The following STON2 variants were observed in gnomAD, a reference collection of about 807,000 sequenced individuals.
STON2 encodes the protein stonin 2.
Under a neutral mutation model 65.7 loss-of-function variants are expected in STON2, and 29 were observed. The observed-to-expected ratio is 0.44, with a 90% CI of 0.33 to 0.60. The LOEUF is 0.60. Among genes scored for constraint, STON2 ranks in the 20% least tolerant of loss-of-function variants. The pLI, the probability that STON2 is intolerant of heterozygous loss-of-function variation, is 0.03. For missense variants in STON2, 1,054 were observed against 1,118.1 expected (o/e 0.94, Z 0.82); for synonymous variants, 404 against 414.2 (o/e 0.98, Z 0.30).
At chr14:81,375,963 A>G (rs1899233872) in intron 3 of STON2, among the ~76,000 whole-genome samples, 1 of 151,582 alleles carries the variant, frequency 6.6e-6, no homozygotes, top group Non-Finnish European at 1.5e-5. Context: ...CATACTTCTA[A>G]ATAATTCACT....
chr14:81,388,939 G>T (rs531091565), intron 3 of STON2, among the ~76,000 whole-genome samples: 1 of 152,120 alleles, frequency 6.6e-6, no homozygotes, highest in South Asian at 2.1e-4. Flanking sequence ...TTAAAACTAG[G>T]AAGAACACTG....
At chr14:81,411,867 G>GCAGAGTTAAGATAAGCA (rs754637724) in intron 2 of STON2, among the ~76,000 whole-genome samples, 4 of 141,914 alleles carry the variant, frequency 2.8e-5, no homozygotes, top group East Asian at 2.5e-4. Flanking sequence ...GTTAAGACAA[G>GCAGAGTTAAGATAAGCA]GAATAACAAG....
chr14:81,409,319 C>T (rs933220972), intron 2 of STON2, among the ~76,000 whole-genome samples: 1 of 151,796 alleles, frequency 6.6e-6, no homozygotes, highest in East Asian at 1.9e-4. Flanking sequence ...GCAGGAGAAT[C>T]GCTTGAACCC....
chr14:81,370,986 A>G lies in STON2; in HGVS notation c.571+2T>C. The G allele has an allele frequency of 6.2e-7, 1 of 1,612,164 alleles. No homozygotes were observed. Among genetic ancestry groups the G allele is most frequent in the Non-Finnish European group, 8.5e-7 (1 of 1,179,754 alleles). On this transcript the variant is annotated splice_donor_variant, in intron 4 of 7. Transcript: ENST00000614646. LOFTEE classifies it high-confidence loss of function. ...GCCCTCTGGCTTAGAGCTCCATCTTACCAGTTGAGTCAGCCCCAGAAGCCT... is the reference window on the plus strand; with the variant it reads ...GCCCTCTGGCTTAGAGCTCCATCTTGCCAGTTGAGTCAGCCCCAGAAGCCT...
intron 3 of STON2, among the ~76,000 whole-genome samples, chr14:81,379,270 T>C (rs1899399666): frequency 6.6e-6 from 1 of 152,068 alleles, no homozygotes. Flanking sequence ...AGACAGTATT[T>C]GTAATAGCAA....
chr14:81,314,405 A>G (rs1896546598), intron 5 of STON2, among the ~76,000 whole-genome samples: 1 of 152,248 alleles, frequency 6.6e-6, no homozygotes, highest in Non-Finnish European at 1.5e-5. Flanking sequence ...AGCTTTGAAA[A>G]ATTGAATTCT....
In STON2 at chr14:81,436,277, G is replaced by T. The variant is rs1220934000; in HGVS notation, c.-310+44C>A. ...CCGCTCCACCTGCGGGGCCCCTCTT[G>T]GGGGGCGCGCTCGCCTCCTGCTGCG... On this transcript the variant is annotated intron_variant, in intron 1 of 8. Transcript: ENST00000553821. The T allele has an allele frequency of 2.6e-5, 4 of 151,668 alleles. No homozygotes were observed. In the East Asian group the frequency reaches 5.9e-4, roughly 22 times the overall value. 9.4% of individuals were successfully genotyped at this position (151,668 alleles called of 1,614,324 possible). A position where few individuals can be genotyped will look rare whatever the true frequency, so the allele number is the denominator to read the frequency against.
At chr14:81,360,750 C>T (rs548122337) in intron 4 of STON2, among the ~76,000 whole-genome samples, 1 of 152,006 alleles carries the variant, frequency 6.6e-6, no homozygotes, top group Admixed American at 6.5e-5. Context: ...TTGTTGATAA[C>T]ATAATCTTCC....
At chr14:81,284,396 T>C (rs1293319247) in intron 5 of STON2, among the ~76,000 whole-genome samples, 1 of 152,162 alleles carries the variant, frequency 6.6e-6, no homozygotes, top group African/African-American at 2.4e-5. Context: ...ACATGAATGA[T>C]AAGAAAGTAG....
At chr14:81,360,732 G>A (rs1367679717) in intron 4 of STON2, among the ~76,000 whole-genome samples, 1 of 152,076 alleles carries the variant, frequency 6.6e-6, no homozygotes, top group Non-Finnish European at 1.5e-5. Context: ...AAATGAAATT[G>A]CCACTGTTTG....
chr14:81,313,059 C>G (rs1896487661), intron 5 of STON2, among the ~76,000 whole-genome samples: 1 of 152,216 alleles, frequency 6.6e-6, no homozygotes, highest in African/African-American at 2.4e-5. Context: ...CTCTTTCTTT[C>G]TCTTTCTGTC....
At chr14:81,406,697 G>A (rs918266810) in intron 2 of STON2, among the ~76,000 whole-genome samples, 1 of 152,150 alleles carries the variant, frequency 6.6e-6, no homozygotes, top group Non-Finnish European at 1.5e-5. Flanking sequence ...TCTTTCCACT[G>A]TGGCTGGGCT....
rs748110461 is a variant in STON2 at position 81,265,220 on chromosome 14, C to T, written c.*3194G>A. 1.1e-5 allele frequency: 11 copies of T among 983,964 alleles called. No homozygotes were observed. Among genetic ancestry groups the T allele is most frequent in the African/African-American group, 1.7e-5 (1 of 57,172 alleles). The allele number at this position is 983,964 out of a possible 1,614,324, so 61.0% of individuals were successfully genotyped here. A position where few individuals can be genotyped will look rare whatever the true frequency, so the allele number is the denominator to read the frequency against. ...TATTTTCTTTAGAAGTTATTTAAAC[C>T]TAGTAAAACACTCATTACGTCTAAA... On this transcript the variant is annotated 3_prime_UTR_variant, in exon 8 of 8. Transcript: ENST00000614646.
At chr14:81,428,577 G>C (rs190767205) in intron 1 of STON2, among the ~76,000 whole-genome samples, 1 of 152,220 alleles carries the variant, frequency 6.6e-6, no homozygotes, top group African/African-American at 2.4e-5. Context: ...ACAAAAATTA[G>C]CCAGGCATGG....
intron 4 of STON2, among the ~76,000 whole-genome samples, chr14:81,351,077 A>G (rs148660934): frequency 6.6e-6 from 1 of 152,146 alleles, no homozygotes; most frequent in Admixed American, 6.5e-5. Flanking sequence ...ATATTCAGTA[A>G]AACAGTTCAG....
intron 4 of STON2, among the ~76,000 whole-genome samples, chr14:81,368,864 C>T (rs1027543979): frequency 1.3e-5 from 2 of 152,120 alleles, no homozygotes; most frequent in African/African-American, 4.8e-5. Context: ...TAAACTCTGG[C>T]GTAGGGGCCA....
Position 81,278,051 on chromosome 14 carries a change from T to C in STON2, c.1431A>G (p.Ala477=), listed in dbSNP as rs778643035. The part of the protein sequence containing the change: ...IELDAHPPGS[A]RSQPRDGWPM... ...GCCACCCGTCACGAGGCTGGGACCG[T>C]GCTGATCCAGGCGGGTGAGCATCTA... Residue 477 remains alanine, a synonymous_variant, in exon 6 of 8, where the codon GCA becomes GCG. Transcript: ENST00000614646. The C allele has an allele frequency of 1.2e-6, 2 of 1,614,076 alleles. No individual in the cohort carries two copies. Among genetic ancestry groups the C allele is most frequent in the African/African-American group, 2.7e-5 (2 of 74,926 alleles).
chr14:81,320,863 A>C (rs903620322), intron 5 of STON2, among the ~76,000 whole-genome samples: 1 of 152,160 alleles, frequency 6.6e-6, no homozygotes, highest in Admixed American at 6.5e-5. Context: ...GGAGCACCAA[A>C]GCATAAGAAG....
intron 4 of STON2, among the ~76,000 whole-genome samples, chr14:81,324,608 C>T (rs1209849641): frequency 6.6e-6 from 1 of 152,232 alleles, no homozygotes; most frequent in Non-Finnish European, 1.5e-5. Context: ...GTGATTTAAA[C>T]AATGAGTTTC....
Sources: allele counts gnomAD v4.1 joint callset (sites outside exome capture counted in the v4.1 genomes callset), GRCh38; gene constraint gnomAD v4.1.1; transcripts MANE v1.5; gene names NCBI Gene and HGNC (gene_info 2026-07-23, HGNC 2026-07-21).